Variants in SOS2 observed in about 807,000 individuals in gnomAD.
SOS2 encodes SOS Ras/Rho guanine nucleotide exchange factor 2.
A neutral mutation model predicts 148.2 loss-of-function variants in SOS2; 65 were observed. The ratio of observed to expected loss-of-function variants is 0.44; its 90% CI spans 0.36 to 0.54. SOS2 has a LOEUF of 0.54. Ranked by LOEUF, SOS2 falls within the 20% of genes least tolerant of loss-of-function variation. SOS2 has a pLI of 0.00. For missense variants in SOS2, 1,341 were observed against 1,590.2 expected (o/e 0.84, Z 2.67); for synonymous variants, 539 against 537.1 (o/e 1.00, Z -0.05).
intron 18 of SOS2, among the ~76,000 whole-genome samples, chr14:50,135,777 TC>T (rs1340636599): frequency 1.3e-5 from 2 of 150,552 alleles, no homozygotes; most frequent in East Asian, 3.9e-4. Flanking sequence ...TAGTATTTCA[TC>T]AGATGGATAT....
At chr14:50,183,191 C>T (rs1885799169) in intron 5 of SOS2, among the ~76,000 whole-genome samples, 1 of 152,012 alleles carries the variant, frequency 6.6e-6, no homozygotes, top group Non-Finnish European at 1.5e-5. Context: ...TACTTTCATG[C>T]CCCCCTTACA....
chr14:50,228,433 C>T (rs1347484716), intron 1 of SOS2, among the ~76,000 whole-genome samples: 2 of 152,078 alleles, frequency 1.3e-5, no homozygotes, highest in African/African-American at 4.8e-5. Flanking sequence ...CTGTATGTAA[C>T]CCAACAGTCT....
chr14:50,177,282 T>C lies in SOS2; in HGVS notation c.970-2730A>G, dbSNP rs1885555583. ...TTGCAATGAACTGAGACTGTGCCAC[T>C]GCACTCCAGCCTGGGCAACAGAGTG... On this transcript the variant is annotated intron_variant, in intron 7 of 22. Transcript: ENST00000216373. 2.6e-5 allele frequency among the ~76,000 whole-genome samples: 4 copies of C among 152,146 alleles called. No individual in the cohort carries two copies. The South Asian group carries it at 8.3e-4, about 31-fold the overall frequency.
chr14:50,149,227 A>G (rs916532090), intron 14 of SOS2, among the ~76,000 whole-genome samples: 3 of 152,188 alleles, frequency 2.0e-5, no homozygotes, highest in Admixed American at 6.5e-5. Flanking sequence ...TGAGGCTTCT[A>G]TACTACTCAC....
chr14:50,160,284 A>G (rs1315243614), intron 9 of SOS2, among the ~76,000 whole-genome samples, 198 bp from the exon 10 acceptor site: 1 of 151,984 alleles, frequency 6.6e-6, no homozygotes, highest in Non-Finnish European at 1.5e-5. Flanking sequence ...TACTGGCTCT[A>G]TAAGAACTAA....
In SOS2 at chr14:50,200,919, A is replaced by G. The variant is rs762433791; in HGVS notation, c.345+34T>C. The G allele has an allele frequency of 7.5e-6, 12 of 1,599,710 alleles. No homozygotes were observed. The Admixed American group carries it at 2.0e-4, about 27-fold the overall frequency. ...AAATAAAATATTACTTGTTATAAAGAACACCCCCCAACTAATGTTTAATCT... is the reference window on the plus strand; with the variant it reads ...AAATAAAATATTACTTGTTATAAAGGACACCCCCCAACTAATGTTTAATCT... On this transcript the variant is annotated intron_variant, in intron 3 of 22. Coordinates refer to ENST00000216373, the MANE Select transcript of SOS2 (RefSeq NM_006939.4).
At chr14:50,207,898 C>T (rs1886718365) in intron 1 of SOS2, among the ~76,000 whole-genome samples, 1 of 140,340 alleles carries the variant, frequency 7.1e-6, no homozygotes, top group African/African-American at 2.7e-5. Flanking sequence ...GAGACTCCAT[C>T]TCAAAAAAAA....
chr14:50,169,719 T>A (rs1250334337), intron 8 of SOS2, among the ~76,000 whole-genome samples: 1 of 152,156 alleles, frequency 6.6e-6, no homozygotes, highest in South Asian at 2.1e-4. Context: ...GGAATAATGT[T>A]ATATTATTGT....
At chr14:50,172,278 T>C (rs1428828248) in intron 8 of SOS2, among the ~76,000 whole-genome samples, 1 of 152,190 alleles carries the variant, frequency 6.6e-6, no homozygotes, top group Non-Finnish European at 1.5e-5. Flanking sequence ...TTCTAATCTC[T>C]TCTAAGGCTT....
chr14:50,210,120 G>C (rs1184399618), intron 1 of SOS2, among the ~76,000 whole-genome samples: 1 of 152,166 alleles, frequency 6.6e-6, no homozygotes, highest in African/African-American at 2.4e-5. Flanking sequence ...GGAAGTACAA[G>C]GATTTGCTCC....
intron 8 of SOS2, among the ~76,000 whole-genome samples, chr14:50,167,094 T>A (rs1885192969): frequency 6.6e-6 from 1 of 152,112 alleles, no homozygotes; most frequent in Non-Finnish European, 1.5e-5. Context: ...CGTGATCATA[T>A]TTCTTTACGT....
At chr14:50,209,991 G>T (rs1886814055) in intron 1 of SOS2, among the ~76,000 whole-genome samples, 1 of 152,108 alleles carries the variant, frequency 6.6e-6, no homozygotes, top group Non-Finnish European at 1.5e-5. Flanking sequence ...ATCCAAGCAG[G>T]TTGTTTTGCT....
intron 21 of SOS2, among the ~76,000 whole-genome samples, chr14:50,124,545 T>C (rs1473538931): frequency 7.2e-5 from 11 of 152,218 alleles, no homozygotes; most frequent in Admixed American, 7.2e-4. Flanking sequence ...TGATATGTTG[T>C]ATTCAGATTC....
chr14:50,229,563 G>C (rs1394387602), intron 1 of SOS2, among the ~76,000 whole-genome samples: 1 of 150,978 alleles, frequency 6.6e-6, no homozygotes, highest in Non-Finnish European at 1.5e-5. Context: ...AATCCCAACA[G>C]TTTGGAAGGC....
intron 1 of SOS2, among the ~76,000 whole-genome samples, chr14:50,206,746 G>T (rs1052978522): frequency 7.0e-6 from 1 of 143,534 alleles, no homozygotes; most frequent in Non-Finnish European, 1.5e-5. Context: ...TTTTTTAAAA[G>T]GTTTTTAAAA....
intron 10 of SOS2, among the ~76,000 whole-genome samples, chr14:50,159,143 T>C (rs1594980130): frequency 6.6e-6 from 1 of 151,504 alleles, no homozygotes; most frequent in Non-Finnish European, 1.5e-5. Flanking sequence ...TGAGCAGAGA[T>C]AGCGCCACTG....
chr14:50,132,354 T>TA (rs886376742), intron 19 of SOS2, among the ~76,000 whole-genome samples: 26,134 of 62,854 alleles, frequency 0.42, 6,217 homozygotes, highest in East Asian at 0.59. Flanking sequence ...CTATTGCCAT[T>TA]AAAAAAAAAA....
intron 21 of SOS2, among the ~76,000 whole-genome samples, chr14:50,123,417 T>C (rs573416159): frequency 1.3e-5 from 2 of 149,844 alleles, no homozygotes; most frequent in African/African-American, 4.9e-5. Flanking sequence ...GTTTCACTCT[T>C]GTCGCCCAGG....
intron 13 of SOS2, among the ~76,000 whole-genome samples, chr14:50,151,034 T>A (rs1280608373): frequency 6.6e-6 from 1 of 152,140 alleles, no homozygotes; most frequent in East Asian, 1.9e-4. Flanking sequence ...AATTTTTGTA[T>A]TTTTAGTAGA....
Sources: allele counts gnomAD v4.1 joint callset (sites outside exome capture counted in the v4.1 genomes callset), GRCh38; gene constraint gnomAD v4.1.1; transcripts MANE v1.5; gene names NCBI Gene and HGNC (gene_info 2026-07-23, HGNC 2026-07-21).